Variants in BRINP3 observed in about 807,000 individuals in gnomAD.
BRINP3 encodes BMP/retinoic acid inducible neural specific 3.
BRINP3 carries 19 observed loss-of-function variants against 71.0 expected under a neutral mutation model. The ratio of observed to expected loss-of-function variants is 0.27; its 90% CI spans 0.19 to 0.39. The LOEUF (loss-of-function observed/expected upper bound fraction) is 0.39, where lower values mean the gene tolerates loss of function less well. Among genes scored for constraint, BRINP3 ranks in the 10% least tolerant of loss-of-function variants. The pLI, the probability that BRINP3 is intolerant of heterozygous loss-of-function variation, is 1.00. For synonymous variants in BRINP3, 380 were observed against 337.7 expected (o/e 1.13, Z -1.37); for missense variants, 959 against 940.8 (o/e 1.02, Z -0.25).
chr1:190,298,585 C>G (rs1664429987), intron 2 of BRINP3, among the ~76,000 whole-genome samples: 1 of 151,846 alleles, frequency 6.6e-6, no homozygotes, highest in East Asian at 1.9e-4. Context: ...TGTCTTTAAC[C>G]TATAGTAAGT....
intron 2 of BRINP3, among the ~76,000 whole-genome samples, chr1:190,439,853 A>G (rs1476951431): frequency 6.6e-6 from 1 of 151,962 alleles, no homozygotes; most frequent in Non-Finnish European, 1.5e-5. Context: ...GACTCAAGCT[A>G]TAAGTTCACA....
intron 7 of BRINP3, among the ~76,000 whole-genome samples, chr1:190,100,739 A>T (rs995253762): frequency 6.6e-6 from 1 of 152,352 alleles, no homozygotes; most frequent in Non-Finnish European, 1.5e-5. Flanking sequence ...AAAGAAAAAA[A>T]TAAATCAAAT....
At chr1:190,263,529 G>C (rs559473751) in intron 4 of BRINP3, among the ~76,000 whole-genome samples, 5 of 151,484 alleles carry the variant, frequency 3.3e-5, no homozygotes, top group African/African-American at 7.3e-5. Context: ...TATACTTGGA[G>C]CAATCTTCCG....
intron 6 of BRINP3, among the ~76,000 whole-genome samples, chr1:190,211,093 C>T (rs1655946562): frequency 6.6e-6 from 1 of 151,984 alleles, no homozygotes; most frequent in African/African-American, 2.4e-5. Flanking sequence ...CTCGGACTGA[C>T]CCACCACTGC....
intron 2 of BRINP3, among the ~76,000 whole-genome samples, chr1:190,355,911 T>A (rs1333947246): frequency 6.6e-6 from 1 of 151,854 alleles, no homozygotes; most frequent in Non-Finnish European, 1.5e-5. Context: ...CTAAGCCAAA[T>A]CCCTAGTCAT....
intron 2 of BRINP3, among the ~76,000 whole-genome samples, chr1:190,429,789 A>C (rs189246838): frequency 6.6e-6 from 1 of 151,884 alleles, no homozygotes; most frequent in Non-Finnish European, 1.5e-5. Flanking sequence ...CAGTTTCACC[A>C]TCTTGGCCAG....
chr1:190,301,909 C>T (rs554649730), intron 2 of BRINP3, among the ~76,000 whole-genome samples: 152 of 151,898 alleles, frequency 1.0e-3, no homozygotes, highest in African/African-American at 3.4e-3. Flanking sequence ...TTTATAGATA[C>T]AATTTATATG....
chr1:190,438,357 A>T (rs1674602394), intron 2 of BRINP3, among the ~76,000 whole-genome samples: 1 of 151,806 alleles, frequency 6.6e-6, no homozygotes. Context: ...ATAAAATAAC[A>T]CTATCAACAG....
intron 2 of BRINP3, among the ~76,000 whole-genome samples, chr1:190,313,722 A>C (rs1665690755): frequency 6.6e-6 from 1 of 151,978 alleles, no homozygotes; most frequent in Admixed American, 6.6e-5. Context: ...GATTCTTCTT[A>C]TATTTCAAAT....
intron 6 of BRINP3, among the ~76,000 whole-genome samples, chr1:190,195,052 A>T (rs1336153384): frequency 6.6e-6 from 1 of 152,048 alleles, no homozygotes; most frequent in Non-Finnish European, 1.5e-5. Flanking sequence ...AATTATAAGC[A>T]TTTAAGGGTT....
intron 6 of BRINP3, among the ~76,000 whole-genome samples, chr1:190,187,350 G>T (rs1653620858): frequency 6.6e-6 from 1 of 151,938 alleles, no homozygotes; most frequent in South Asian, 2.1e-4. Flanking sequence ...TCTATGATTT[G>T]TTTCCTTTAA....
intron 2 of BRINP3, among the ~76,000 whole-genome samples, chr1:190,406,322 A>C (rs1672279096): frequency 6.6e-6 from 1 of 152,186 alleles, no homozygotes; most frequent in African/African-American, 2.4e-5. Context: ...GAAGCTTCAC[A>C]ATAATCATTT....
intron 7 of BRINP3, among the ~76,000 whole-genome samples, chr1:190,120,881 G>A (rs928020424): frequency 4.6e-5 from 7 of 151,954 alleles, no homozygotes; most frequent in African/African-American, 1.5e-4. Context: ...TTAAACATAC[G>A]ATTTGAATTA....
intron 4 of BRINP3, among the ~76,000 whole-genome samples, chr1:190,254,496 G>T (rs1660464130): frequency 6.6e-6 from 1 of 152,058 alleles, no homozygotes; most frequent in African/African-American, 2.4e-5. Flanking sequence ...CACATCCCTT[G>T]TAAGTTGGAT....
intron 2 of BRINP3, among the ~76,000 whole-genome samples, chr1:190,288,788 G>A (rs909278308): frequency 1.3e-5 from 2 of 151,762 alleles, no homozygotes. Context: ...GAATTAATAA[G>A]TAAAAATTTA....
chr1:190,413,380 A>T (rs1205084810), intron 2 of BRINP3, among the ~76,000 whole-genome samples: 1 of 152,244 alleles, frequency 6.6e-6, no homozygotes, highest in East Asian at 1.9e-4. Flanking sequence ...TCAGGCCCTA[A>T]TCCTTTTAAC....
At chr1:190,141,687 AG>A (rs1396474816) in intron 7 of BRINP3, among the ~76,000 whole-genome samples, 2 of 149,662 alleles carry the variant, frequency 1.3e-5, no homozygotes, top group Non-Finnish European at 3.0e-5. Context: ...CAGCCTCCTA[AG>A]TAGCTGGGTT....
intron 2 of BRINP3, among the ~76,000 whole-genome samples, chr1:190,357,584 G>A (rs867113413): frequency 3.7e-4 from 57 of 152,032 alleles, no homozygotes; most frequent in African/African-American, 1.4e-3. Flanking sequence ...TTGTAGTATA[G>A]TTTGAAGTCA....
chr1:190,105,151 G>A (rs2102258882), intron 7 of BRINP3, among the ~76,000 whole-genome samples: 1 of 152,078 alleles, frequency 6.6e-6, no homozygotes, highest in East Asian at 1.9e-4. Flanking sequence ...GGCCATCTCA[G>A]TTTTGGCAGC....
Sources: allele counts gnomAD v4.1 joint callset (sites outside exome capture counted in the v4.1 genomes callset), GRCh38; gene constraint gnomAD v4.1.1; transcripts MANE v1.5; gene names NCBI Gene and HGNC (gene_info 2026-07-23, HGNC 2026-07-21).